Variants in DTX1 observed in about 807,000 individuals in gnomAD.
The protein encoded by DTX1 is deltex E3 ubiquitin ligase 1, also known as E3 ubiquitin-protein ligase DTX1.
In DTX1, 26 loss-of-function variants were observed where a neutral mutation model predicts 57.8. The observed-to-expected ratio is 0.45, with a 90% confidence interval of 0.33 to 0.62. The LOEUF (loss-of-function observed/expected upper bound fraction) is 0.62. DTX1 is among the 20% of genes least tolerant of loss of function. The pLI is 0.02. For synonymous variants in DTX1, 398 were observed against 394.1 expected (o/e 1.01, Z -0.12); for missense variants, 704 against 895.3 (o/e 0.79, Z 2.73).
chr12:113,058,293 A>C lies in DTX1; in HGVS notation c.101A>C (p.His34Pro), dbSNP rs201878530. ...GTGGTGTGGGAGTGGCTGAATGAGCACAGCCGCTGGCGGCCCTACACGGCC... is the reference window on the plus strand; with the variant it reads ...GTGGTGTGGGAGTGGCTGAATGAGCCCAGCCGCTGGCGGCCCTACACGGCC... ...RVVVWEWLNEHSRWRPYTATV... is the reference protein window; with the variant it reads ...RVVVWEWLNEPSRWRPYTATV... The change falls in exon 2 of 10, where the codon CAC becomes CCC. Residue 34 changes from histidine (H) to proline (P), a missense_variant. Coordinates refer to ENST00000548759, the MANE Select transcript of DTX1 (RefSeq NM_004416.3). 12 of 1,613,388 alleles carry C rather than the reference A, an allele frequency of 7.4e-6. No homozygotes were observed. Among genetic ancestry groups the C allele is most frequent in the Non-Finnish European group, 1.0e-5 (12 of 1,180,016 alleles).
rs904534336 is a variant in DTX1 at position 113,078,044 on chromosome 12, C to T, written c.880C>T (p.Leu294Phe). The T allele has an allele frequency of 1.5e-6, 2 of 1,350,296 alleles. No individual in the cohort carries two copies. The highest frequency in any genetic ancestry group is 1.5e-5 in the African/African-American group (1 of 65,396). The allele number at this position is 1,350,296 out of a possible 1,614,324, so 83.6% of individuals were successfully genotyped here. A position where few individuals can be genotyped will look rare whatever the true frequency, so the allele number is the denominator to read the frequency against. The change falls in exon 3 of 10, where the codon CTC becomes TTC. Residue 294 changes from leucine (L) to phenylalanine (F), a missense_variant. Physicochemically the swap from Leu to Phe is conservative, Grantham distance 22 (BLOSUM62 0). This residue lies in a region of DTX1 where 299 missense variants were observed against 311.2 expected (regional missense o/e 0.96). Coordinates refer to ENST00000548759, the MANE Select transcript of DTX1 (RefSeq NM_004416.3). The stretch of plus-strand genomic sequence containing the variant: ...AGCGCGCACCCCGGGGCAGAACAAC[C>T]TCAACCGGCCCGGGCCCCAGCGCAC... ...GGARTPGQNN[L>F]NRPGPQRTTS... is the part of the protein sequence containing the mutation.
chr12:113,075,550 T>C (rs1387765954), intron 2 of DTX1, among the ~76,000 whole-genome samples: 1 of 152,232 alleles, frequency 6.6e-6, no homozygotes, highest in Non-Finnish European at 1.5e-5. Flanking sequence ...TGAGAAGTCC[T>C]GCGGCCTGGA....
rs1252357805 is a variant in DTX1, at chr12:113,093,658, C to A, written c.1123C>A (p.Pro375Thr). 1 of 1,613,772 alleles carries A rather than the reference C, an allele frequency of 6.2e-7. No individual in the cohort carries two copies. The highest frequency in any genetic ancestry group is 1.1e-5 in the South Asian group (1 of 91,068). Residue 375 changes from proline (P) to threonine (T), a missense_variant, in exon 5 of 10, where the codon CCC becomes ACC. Pro to Thr is a conservative substitution (Grantham distance 38). Transcript: ENST00000548759. This position sits in a 1 kb window ranked among gnomAD's most constrained non-coding sequence, Gnocchi z 4.2. ...KSDVKPVPGV[P>T]GVCRKTKKKH... is the part of the protein sequence containing the mutation. ...CGACGTGAAGCCCGTGCCTGGCGTG[C>A]CCGGGGTGTGCCGCAAGACCAAGAA...
intron 9 of DTX1, 63 bp downstream of exon 9, chr12:113,095,477 C>T: frequency 6.2e-7 from 1 of 1,601,140 alleles, no homozygotes; most frequent in Non-Finnish European, 8.5e-7. Flanking sequence ...CAACCACTGG[C>T]CTGGGCCTGT....
chr12:113,072,242 A>C (rs551111220), intron 2 of DTX1, among the ~76,000 whole-genome samples: 15 of 152,350 alleles, frequency 9.8e-5, no homozygotes, highest in Non-Finnish European at 2.9e-5. Flanking sequence ...GGTGCTCCAA[A>C]CATAGTTGCA....
intron 2 of DTX1, among the ~76,000 whole-genome samples, chr12:113,060,540 G>A (rs733174): frequency 0.18 from 27,930 of 152,166 alleles, 2,775 homozygotes; most frequent in African/African-American, 0.26. Flanking sequence ...GGTAGGAAGG[G>A]GCAGAGGACA....
chr12:113,071,738 G>A (rs1031506286), intron 2 of DTX1, among the ~76,000 whole-genome samples: 1 of 152,210 alleles, frequency 6.6e-6, no homozygotes, highest in South Asian at 2.1e-4. Flanking sequence ...CCACCCCCTC[G>A]GCCTGGTCCA....
intron 2 of DTX1, among the ~76,000 whole-genome samples, chr12:113,066,078 C>A (rs1296753423): frequency 6.6e-6 from 1 of 152,202 alleles, no homozygotes; most frequent in Admixed American, 6.5e-5. Context: ...GCCCACCCAG[C>A]CTCTGGGTTG....
In DTX1 at chr12:113,080,974, CAA is replaced by C. The variant is rs55853221; in HGVS notation, c.941+2883_941+2884del. 7.4e-4 allele frequency among the ~76,000 whole-genome samples: 105 copies of C among 141,614 alleles called. 1 individual carries two copies. Among genetic ancestry groups the C allele is most frequent in the South Asian group, 5.3e-3 (23 of 4,366 alleles). The allele number at this position is 141,614 out of a possible 152,430, so 92.9% of individuals were successfully genotyped here. ...TGAGAGACAGAGCAAGACACTGTCT[CAA>C]AAAAAAAAAAAAATTGCTCCATGAA... On this transcript the variant is annotated intron_variant, in intron 3 of 9. Coordinates refer to ENST00000548759, the MANE Select transcript of DTX1 (RefSeq NM_004416.3).
chr12:113,063,357 C>T (rs1180403542), intron 2 of DTX1, among the ~76,000 whole-genome samples: 3 of 152,212 alleles, frequency 2.0e-5, no homozygotes, highest in Admixed American at 6.5e-5. Context: ...CTGGGACAGC[C>T]GCCTCCGAGG....
chr12:113,059,459 T>C (rs2044652073), intron 2 of DTX1, among the ~76,000 whole-genome samples: 1 of 152,092 alleles, frequency 6.6e-6, no homozygotes, highest in African/African-American at 2.4e-5. Context: ...GTTGCGTTGG[T>C]GGTAATGTGA....
chr12:113,093,614 C>T lies in DTX1; in HGVS notation c.1079C>T (p.Pro360Leu). The T allele has an allele frequency of 6.2e-7, 1 of 1,612,972 alleles. No individual in the cohort carries two copies. The highest frequency in any genetic ancestry group is 8.5e-7 in the Non-Finnish European group (1 of 1,179,680). ...LTRAPKPILHPPPVSKSDVKP... is the reference protein window; with the variant it reads ...LTRAPKPILHLPPVSKSDVKP... ...CGGGCCCCCAAGCCCATCCTGCACC[C>T]GCCGCCCGTGAGCAAGAGCGACGTG... The change falls in exon 5 of 10, where the codon CCG (proline) becomes CTG (leucine). Residue 360 changes from proline to leucine, a missense_variant. Coordinates refer to ENST00000548759, the MANE Select transcript of DTX1 (RefSeq NM_004416.3). This position sits in a 1 kb window ranked among gnomAD's most constrained non-coding sequence, Gnocchi z 4.2.
intron 2 of DTX1, among the ~76,000 whole-genome samples, chr12:113,062,287 G>A (rs1273779130): frequency 6.6e-6 from 1 of 152,076 alleles, no homozygotes; most frequent in Non-Finnish European, 1.5e-5. Flanking sequence ...AACTTTGTGG[G>A]ACCTGCAGTC....
At chr12:113,057,259 A>C (rs2136419674) in intron 1 of DTX1, among the ~76,000 whole-genome samples, 190 bp from the exon 2 acceptor site, 1 of 151,956 alleles carries the variant, frequency 6.6e-6, no homozygotes, top group South Asian at 2.1e-4. Context: ...GTCTCGGAAA[A>C]CCGCGCCCCC....
intron 6 of DTX1, 34 bp downstream of exon 6, chr12:113,094,133 C>T: frequency 7.0e-7 from 1 of 1,420,216 alleles, no homozygotes; most frequent in Non-Finnish European, 9.7e-7. Flanking sequence ...GGGGAGGGCC[C>T]TGGCATGGAG....
chr12:113,077,655 G>T lies in DTX1; in HGVS notation c.491G>T (p.Arg164Leu). ...ATGTCGCAGATGAACCGCCAGACGC[G>T]CCGGCGCCGCCGCCTGCGCCGCCGC... Reference protein sequence around the residue: ...NSMSQMNRQTRRRRRLRRRLD... With the variant: ...NSMSQMNRQTLRRRRLRRRLD... Residue 164 changes from arginine to leucine, a missense_variant, in exon 3 of 10, where the codon CGC (arginine) becomes CTC (leucine). Transcript: ENST00000548759. The surrounding 1 kb of genome is among the most constrained non-coding windows in gnomAD (Gnocchi z 7.8). 1 of 1,585,366 alleles carries T rather than the reference G, an allele frequency of 6.3e-7. No homozygotes were observed.
chr12:113,072,121 C>G (rs2044741627), intron 2 of DTX1, among the ~76,000 whole-genome samples: 1 of 152,200 alleles, frequency 6.6e-6, no homozygotes, highest in South Asian at 2.1e-4. Flanking sequence ...GCTCTCCAAT[C>G]TCCACTCCCT....
At chr12:113,088,729 G>T (rs1420390906) in intron 3 of DTX1, among the ~76,000 whole-genome samples, 1 of 152,228 alleles carries the variant, frequency 6.6e-6, no homozygotes, top group Admixed American at 6.5e-5. Flanking sequence ...AGTGGCTTAT[G>T]CCTGTAAACC....
intron 3 of DTX1, among the ~76,000 whole-genome samples, chr12:113,089,457 G>A (rs1340259502): frequency 6.6e-6 from 1 of 152,156 alleles, no homozygotes; most frequent in Non-Finnish European, 1.5e-5. Flanking sequence ...CTCAGGTCCT[G>A]TGCCAGCCTG....
Sources: gnomAD v4.1 joint callset for allele counts (sites outside exome capture counted in the v4.1 genomes callset) on GRCh38, gnomAD v4.1.1 for gene constraint, gnomAD v4.1.1 regional missense constraint, Gnocchi (gnomAD v3.1) non-coding constraint, MANE v1.5 for transcripts, NCBI Gene and HGNC (gene_info 2026-07-23, HGNC 2026-07-21) for gene names.